The following STAB2 variants were observed in gnomAD, a reference collection of about 807,000 sequenced individuals.
STAB2 encodes stabilin 2, also known as stabilin-2.
Under a neutral mutation model 338.1 loss-of-function variants are expected in STAB2, and 288 were observed. That is an observed-to-expected ratio of 0.85 (90% CI 0.77 to 0.94). STAB2 has a LOEUF of 0.94. Among genes scored for constraint, STAB2 ranks in the 40% least tolerant of loss-of-function variants. STAB2 has a pLI of 0.00. For missense variants in STAB2, 3,141 were observed against 3,210.1 expected, an observed-to-expected ratio of 0.98 and a Z score of 0.52; for synonymous variants, 1,202 against 1,193.3, an observed-to-expected ratio of 1.01 and a Z score of -0.15.
chr12:103,729,057 A>C, intron 48 of STAB2, 62 bp downstream of exon 48: 1 of 1,552,674 alleles, frequency 6.4e-7, no homozygotes, highest in Non-Finnish European at 8.9e-7. Flanking sequence ...AGGAACCTGG[A>C]TGGAGCTGGA....
chr12:103,744,875 A>G (rs546463604), intron 56 of STAB2, among the ~76,000 whole-genome samples: 2 of 152,322 alleles, frequency 1.3e-5, no homozygotes, highest in South Asian at 2.1e-4. Context: ...CTGTGATTAT[A>G]ACATTCATCT....
chr12:103,612,746 G>A (rs1470823223), intron 3 of STAB2, among the ~76,000 whole-genome samples: 1 of 152,190 alleles, frequency 6.6e-6, no homozygotes, highest in Non-Finnish European at 1.5e-5. Context: ...CATTCCTTTG[G>A]AGGGGGAGAG....
intron 28 of STAB2, among the ~76,000 whole-genome samples, chr12:103,688,479 T>C (rs546847004): frequency 1.3e-5 from 2 of 152,224 alleles, no homozygotes; most frequent in African/African-American, 4.8e-5. Flanking sequence ...GAAAGGGGGC[T>C]TCATTCATCA....
At chr12:103,677,375 G>A in intron 24 of STAB2, 78 bp from the exon 25 acceptor site, 1 of 1,495,832 alleles carries the variant, frequency 6.7e-7, no homozygotes, top group Non-Finnish European at 9.0e-7. Flanking sequence ...ACATATGTCT[G>A]GAAATTCTCT....
intron 3 of STAB2, among the ~76,000 whole-genome samples, chr12:103,606,019 T>G (rs1404390132): frequency 1.3e-5 from 2 of 152,090 alleles, no homozygotes; most frequent in African/African-American, 2.4e-5. Flanking sequence ...TGCTATTTAT[T>G]TTGTTTGTTC....
Position 103,753,224 on chromosome 12 carries a change from C to T in STAB2, c.6585C>T (p.Thr2195=), listed in dbSNP as rs1215179202. 3 of 1,613,842 alleles carry T rather than the reference C, an allele frequency of 1.9e-6. No homozygotes were observed. The Admixed American group carries it at 5.0e-5, about 27-fold the overall frequency. ...AKCVDLHFQD[T]TVGVFHLRSP... is the part of the protein sequence containing the mutation. The stretch of plus-strand genomic sequence containing the variant: ...TTCCTCCTCTTCCTCATCCAGATAC[C>T]ACTGTTGGGGTGTTCCATCTACGCT... Residue 2195 remains threonine (T), a synonymous_variant, in exon 61 of 69, where the codon ACC becomes ACT. Coordinates refer to ENST00000388887, the MANE Select transcript of STAB2 (RefSeq NM_017564.10).
intron 26 of STAB2, 140 bp from the exon 27 acceptor site, chr12:103,684,849 A>G (rs1877250759): frequency 3.3e-6 from 2 of 605,682 alleles, no homozygotes; most frequent in African/African-American, 3.6e-5. Context: ...GCAACACTAA[A>G]GGGTCTATGG....
intron 1 of STAB2, 150 bp downstream of exon 1, chr12:103,587,707 A>G (rs1956732774): frequency 1.4e-6 from 1 of 691,726 alleles, no homozygotes; most frequent in East Asian, 2.8e-5. Flanking sequence ...CCTAATTGTG[A>G]TGCACCATCT....
At chr12:103,604,259 A>G (rs1224448767) in intron 3 of STAB2, among the ~76,000 whole-genome samples, 1 of 152,068 alleles carries the variant, frequency 6.6e-6, no homozygotes, top group African/African-American at 2.4e-5. Flanking sequence ...TGCTAGGTTC[A>G]GTTGGCTATA....
rs753996898 is a variant in STAB2, at chr12:103,638,251, T to C, written c.906+39T>C. Reference sequence around the variant, plus strand: ...GCAGGGAACTGATGTATCTAGAAGTTTGACAAGCCACTATGTGTCACAGGT... The same window carrying C: ...GCAGGGAACTGATGTATCTAGAAGTCTGACAAGCCACTATGTGTCACAGGT... On this transcript the variant is annotated intron_variant, in intron 8 of 68. Coordinates refer to ENST00000388887, the MANE Select transcript of STAB2 (RefSeq NM_017564.10). 2.6e-6 allele frequency: 4 copies of C among 1,555,386 alleles called. No homozygotes were observed. The African/African-American group carries it at 5.4e-5, about 21-fold the overall frequency.
At chr12:103,676,060 T>TC in intron 24 of STAB2, 39 bp downstream of exon 24, 1 of 645,712 alleles carries the variant, frequency 1.5e-6, no homozygotes, top group Non-Finnish European at 2.2e-6. Context: ...CCTGGTTTCT[T>TC]TTTTTTTTTT....
At position 103,762,281 on chromosome 12, in the gene STAB2, C is replaced by T. The variant is rs201534588; in HGVS notation, c.7367C>T (p.Thr2456Ile). ...TCCTTTCTTTGTGTTCAGACCTTGA[C>T]CCACACTGGCTTGGGAGCAGGGATC... ...LKAPPAPVTL[T>I]HTGLGAGIFF... The change falls in exon 67 of 69, where the codon ACC becomes ATC. Residue 2456 changes from threonine to isoleucine, a missense_variant. Thr to Ile is a moderately conservative substitution (Grantham distance 89, BLOSUM62 -1). Coordinates refer to ENST00000388887, the MANE Select transcript of STAB2 (RefSeq NM_017564.10). The T allele has an allele frequency of 3.1e-6, 5 of 1,614,194 alleles. No homozygotes were observed. The East Asian group carries it at 6.7e-5, about 22-fold the overall frequency.
Position 103,676,020 on chromosome 12 carries a change from A to G in STAB2, c.2645A>G (p.Asn882Ser). ...CTAACTCCAGGAGGCTGTAGCCGCAATGTGAGTACTGGTCTTCATTTCCAC... is the reference window on the plus strand; with the variant it reads ...CTAACTCCAGGAGGCTGTAGCCGCAGTGTGAGTACTGGTCTTCATTTCCAC... ...TGLTPGGCSR[N>S]AECIKTGTGT... Residue 882 changes from asparagine (N) to serine (S), a missense_variant and splice_region_variant, in exon 24 of 69, where the codon AAT becomes AGT. Asn to Ser is a conservative substitution (Grantham distance 46, BLOSUM62 1). Transcript: ENST00000388887. The G allele has an allele frequency of 6.3e-7, 1 of 1,589,584 alleles. No homozygotes were observed. Among genetic ancestry groups the G allele is most frequent in the Non-Finnish European group, 8.6e-7 (1 of 1,164,868 alleles).
chr12:103,724,767 T>TTCACCTGGC (rs1275232870), intron 44 of STAB2, among the ~76,000 whole-genome samples: 11 of 152,134 alleles, frequency 7.2e-5, no homozygotes, highest in Admixed American at 7.2e-4. Flanking sequence ...GGACCTGTCA[T>TTCACCTGGC]CTTAGGATAC....
At chr12:103,592,689 C>G (rs1361285307) in intron 2 of STAB2, among the ~76,000 whole-genome samples, 1 of 152,082 alleles carries the variant, frequency 6.6e-6, no homozygotes, top group Admixed American at 6.5e-5. Flanking sequence ...AGTTTTCTCC[C>G]CCCTCTTTTT....
At chr12:103,590,443 C>T (rs1956778256) in intron 1 of STAB2, among the ~76,000 whole-genome samples, 1 of 152,216 alleles carries the variant, frequency 6.6e-6, no homozygotes, top group Non-Finnish European at 1.5e-5. Flanking sequence ...GTGCTGGCTC[C>T]AGAGCAGACA....
intron 41 of STAB2, 87 bp from the exon 42 acceptor site, chr12:103,713,556 T>C: frequency 6.4e-7 from 1 of 1,569,300 alleles, no homozygotes; most frequent in Non-Finnish European, 8.7e-7. Flanking sequence ...TTTTGCAGTA[T>C]GTTCCATTTC....
rs572935681 is a variant in STAB2 at position 103,737,635 on chromosome 12, G to T, written c.5552G>T (p.Gly1851Val). Residue 1851 changes from glycine (G) to valine (V), a missense_variant and splice_region_variant, in exon 53 of 69, where the codon GGT becomes GTT. Gly to Val is a moderately radical substitution (Grantham distance 109). Transcript: ENST00000388887. The stretch of plus-strand genomic sequence containing the variant: ...TTTTTTTTTTTTTTTCTTTCTTAGG[G>T]TGACCTCTTTCTGAATGGCCAAACC... ...SVKCGAGRDI[G>V]DLFLNGQTCR... 86 of 1,296,456 alleles carry T rather than the reference G, an allele frequency of 6.6e-5. No homozygotes were observed. In the Middle Eastern group the frequency reaches 3.8e-3, roughly 58 times the overall value. 80.3% of individuals were successfully genotyped at this position (1,296,456 alleles called of 1,614,324 possible).
intron 19 of STAB2, among the ~76,000 whole-genome samples, chr12:103,668,098 T>C (rs1875336953): frequency 1.3e-5 from 2 of 152,252 alleles, no homozygotes; most frequent in African/African-American, 4.8e-5. Context: ...ATCTGTGCAA[T>C]GTGTCTGGCC....
Sources: allele counts gnomAD v4.1 joint callset (sites outside exome capture counted in the v4.1 genomes callset), GRCh38; gene constraint gnomAD v4.1.1; transcripts MANE v1.5; gene names NCBI Gene and HGNC (gene_info 2026-07-23, HGNC 2026-07-21).